Variants in ARHGEF2 observed in about 807,000 individuals in gnomAD.
ARHGEF2 encodes rho guanine nucleotide exchange factor 2.
In ARHGEF2, 22 loss-of-function variants were observed where a neutral mutation model predicts 121.0. That is an observed-to-expected ratio of 0.18 (90% confidence interval 0.13 to 0.26). The LOEUF is 0.26. Ranked by LOEUF, ARHGEF2 falls within the 10% of genes least tolerant of loss-of-function variation. ARHGEF2 has a pLI of 1.00. For synonymous variants in ARHGEF2, 487 were observed against 530.0 expected, an observed-to-expected ratio of 0.92 and a Z score of 1.11; for missense variants, 907 against 1,336.0, an observed-to-expected ratio of 0.68 and a Z score of 5.01.
intron 7 of ARHGEF2, among the ~76,000 whole-genome samples, chr1:155,964,167 A>ATAT (rs1449851145): frequency 8.8e-5 from 8 of 91,192 alleles, no homozygotes; most frequent in African/African-American, 3.6e-4. Context: ...AAAAAAAAAA[A>ATAT]ATATATATAT....
At chr1:155,948,540 A>C (rs1004773455) in intron 21 of ARHGEF2, among the ~76,000 whole-genome samples, 28 of 152,170 alleles carry the variant, frequency 1.8e-4, no homozygotes, top group Admixed American at 1.8e-3. Flanking sequence ...CTGAGGAACA[A>C]GAATTGCTTG....
rs2102630357 is a variant in ARHGEF2, at chr1:155,951,198, G to A, written c.2334C>T (p.Cys778=). The change falls in exon 20 of 22, where the codon TGC becomes TGT. Residue 778 remains cysteine, a synonymous_variant. Transcript: ENST00000361247. This position sits in a 1 kb window ranked among gnomAD's most constrained non-coding sequence, Gnocchi z 5.1. ...CCTCCCCATCCCGAGAGTTGGCTCG[G>A]CACAGCTTCTCCCGCCGCTCAGGGC... ...PEGPERREKL[C]RANSRDGEAG... is the part of the protein sequence containing the mutation. 1 of 1,607,916 alleles carries A rather than the reference G, an allele frequency of 6.2e-7. No individual in the cohort carries two copies. Among genetic ancestry groups the A allele is most frequent in the Non-Finnish European group, 8.5e-7 (1 of 1,178,346 alleles).
intron 13 of ARHGEF2, among the ~76,000 whole-genome samples, chr1:155,957,309 GA>G (rs1425612246): frequency 6.6e-6 from 1 of 152,118 alleles, no homozygotes; most frequent in African/African-American, 2.4e-5. Flanking sequence ...CTCTAGTATC[GA>G]TGCTTTCATT....
chr1:155,978,478 A>G lies in ARHGEF2; in HGVS notation c.-51T>C. On this transcript the variant is annotated 5_prime_UTR_variant, in exon 1 of 22. Transcript: ENST00000361247. The surrounding 1 kb of genome is among the most constrained non-coding windows in gnomAD (Gnocchi z 4.1). The stretch of plus-strand genomic sequence containing the variant: ...CGCGGCGCGGACCCCGGCGTCCTGT[A>G]TTGTTGGGGGAAGGCGGGGGGAGGG... The G allele has an allele frequency of 2.2e-6, 3 of 1,393,168 alleles. No individual in the cohort carries two copies. The highest frequency in any genetic ancestry group is 2.8e-6 in the Non-Finnish European group (3 of 1,054,628). 86.3% of individuals were successfully genotyped at this position (1,393,168 alleles called of 1,614,324 possible).
At chr1:155,967,003 T>G in intron 2 of ARHGEF2, 116 bp from the exon 3 acceptor site, 1 of 931,808 alleles carries the variant, frequency 1.1e-6, no homozygotes. Flanking sequence ...CTCTCCCCCC[T>G]TCCCCGACTT....
chr1:155,970,918 C>T, intron 1 of ARHGEF2: 2 of 986,484 alleles, frequency 2.0e-6, no homozygotes, highest in South Asian at 9.3e-5. Context: ...CATGCATCCT[C>T]CCCATCCCCA....
chr1:155,970,298 C>G, intron 1 of ARHGEF2: 1 of 985,662 alleles, frequency 1.0e-6, no homozygotes, highest in Non-Finnish European at 1.2e-6. Context: ...CCCCAGTGCC[C>G]CTGCCTCTGC....
chr1:155,970,658 G>T, intron 1 of ARHGEF2: 1 of 985,596 alleles, frequency 1.0e-6, no homozygotes, highest in Non-Finnish European at 1.2e-6. Flanking sequence ...CTCAGCCGAG[G>T]CCACGAGGCC....
chr1:155,972,267 T>C (rs764249833), intron 1 of ARHGEF2: 32 of 466,882 alleles, frequency 6.9e-5, no homozygotes, highest in Non-Finnish European at 1.3e-5. Context: ...TCTCTCGAAG[T>C]GACCCCTGCT....
Position 155,954,888 on chromosome 1 carries a change from G to C in ARHGEF2, c.1783+14C>G. On this transcript the variant is annotated intron_variant, in intron 14 of 21. Transcript: ENST00000361247. ...ATTATAAATTACTAAGGAGCTCCTT[G>C]TGGGTGGACTTACTCTTAATTCGCC... The C allele has an allele frequency of 6.2e-7, 1 of 1,609,130 alleles. No individual in the cohort carries two copies. The highest frequency in any genetic ancestry group is 1.3e-5 in the African/African-American group (1 of 74,892).
At chr1:155,953,038 G>A (rs1158742991) in intron 14 of ARHGEF2, among the ~76,000 whole-genome samples, 1 of 152,198 alleles carries the variant, frequency 6.6e-6, no homozygotes, top group East Asian at 1.9e-4. Flanking sequence ...GCCAAGGCAG[G>A]TGGATCGCTT....
At chr1:155,948,340 T>C (rs1674716677) in intron 21 of ARHGEF2, among the ~76,000 whole-genome samples, 1 of 152,230 alleles carries the variant, frequency 6.6e-6, no homozygotes, top group South Asian at 2.1e-4. Context: ...AAACTTTTTT[T>C]ACTTTAAAAA....
rs1262165292 is a variant in ARHGEF2, at chr1:155,950,995, C to T, written c.2537G>A (p.Arg846Gln). ...TTCGGCCTCACGCTCCAGCAGTGCC[C>T]GGGCCTGCTCACTCTCCCGGAGCCG... The part of the protein sequence containing the change: ...EARLRESEQA[R>Q]ALLEREAEEA... The change falls in exon 20 of 22, where the codon CGG becomes CAG. Residue 846 changes from arginine to glutamine, a missense_variant. Physicochemically the swap from Arg to Gln is conservative, Grantham distance 43. Around this residue, in one of 2 missense-constraint regions of ARHGEF2, gnomAD observed 432 missense variants for 559.5 expected, o/e 0.77. Transcript: ENST00000361247. The surrounding 1 kb of genome is among the most constrained non-coding windows in gnomAD (Gnocchi z 5.2). 3.7e-6 allele frequency: 6 copies of T among 1,608,442 alleles called. No individual in the cohort carries two copies. The highest frequency in any genetic ancestry group is 2.7e-5 in the African/African-American group (2 of 74,874).
In ARHGEF2 at chr1:155,950,392, T is replaced by C; in HGVS notation, c.2794A>G (p.Ser932Gly). Residue 932 changes from serine (S) to glycine (G), a missense_variant, in exon 21 of 22, where the codon AGC becomes GGC. By Grantham distance (56) the Ser-to-Gly change is moderately conservative. Around this residue, in one of 2 missense-constraint regions of ARHGEF2, gnomAD observed 432 missense variants for 559.5 expected, o/e 0.77. Transcript: ENST00000361247. The surrounding 1 kb of genome is among the most constrained non-coding windows in gnomAD (Gnocchi z 5.2). ...FEDRERQELGSPEERLQDSSD... is the reference protein window; with the variant it reads ...FEDRERQELGGPEERLQDSSD... ...CTGTCTTGCAGCCGCTCTTCGGGGC[T>C]CCCCAGTTCCTGCCTCTCTCGGTCC... 1 of 1,614,040 alleles carries C rather than the reference T, an allele frequency of 6.2e-7. No homozygotes were observed. Among genetic ancestry groups the C allele is most frequent in the Non-Finnish European group, 8.5e-7 (1 of 1,180,026 alleles).
intron 15 of ARHGEF2, 87 bp downstream of exon 15, chr1:155,952,541 G>T: frequency 2.1e-6 from 3 of 1,427,888 alleles, no homozygotes; most frequent in Non-Finnish European, 2.9e-6. Flanking sequence ...CATCCCACTT[G>T]TCTGTGTTTG....
rs759973809 is a variant in ARHGEF2, at chr1:155,961,997, C to G, written c.1220-88G>C. ...CGTGTCTTGATTCCACCTTTAGAGGCTGCCCAGGGTTTCACACCCGACCCC... is the reference window on the plus strand; with the variant it reads ...CGTGTCTTGATTCCACCTTTAGAGGGTGCCCAGGGTTTCACACCCGACCCC... On this transcript the variant is annotated intron_variant, in intron 10 of 21. Transcript: ENST00000361247. The surrounding 1 kb of genome is among the most constrained non-coding windows in gnomAD (Gnocchi z 4.7). The G allele has an allele frequency of 6.2e-7, 1 of 1,602,274 alleles. No individual in the cohort carries two copies. Among genetic ancestry groups the G allele is most frequent in the Non-Finnish European group, 8.5e-7 (1 of 1,172,218 alleles).
At chr1:155,971,436 G>A (rs1404145903) in intron 1 of ARHGEF2, among the ~76,000 whole-genome samples, 3 of 151,806 alleles carry the variant, frequency 2.0e-5, no homozygotes, top group Non-Finnish European at 4.4e-5. Context: ...AAAATTAGCT[G>A]GGCGTAGTGG....
At chr1:155,969,511 T>TGG in intron 1 of ARHGEF2, 1 of 1,404,548 alleles carries the variant, frequency 7.1e-7, no homozygotes, top group South Asian at 1.5e-5. Context: ...CCAGCCCGGA[T>TGG]GGGTTCTGGG....
At chr1:155,975,626 G>C (rs1392526545) in intron 1 of ARHGEF2, among the ~76,000 whole-genome samples, 1 of 151,996 alleles carries the variant, frequency 6.6e-6, no homozygotes, top group Non-Finnish European at 1.5e-5. Flanking sequence ...GGCTCCCCCA[G>C]CTCTCCTCTC....
Sources: allele counts gnomAD v4.1 joint callset (sites outside exome capture counted in the v4.1 genomes callset), GRCh38; gene constraint gnomAD v4.1.1; regional missense constraint gnomAD v4.1.1; non-coding constraint Gnocchi (gnomAD v3.1); transcripts MANE v1.5; gene names NCBI Gene and HGNC (gene_info 2026-07-23, HGNC 2026-07-21).